AHCYL1: variants seen among roughly 807,000 people sequenced by gnomAD.
AHCYL1 encodes the protein adenosylhomocysteinase like 1.
In AHCYL1, 20 loss-of-function variants were observed where a neutral mutation model predicts 79.3. That is an observed-to-expected ratio of 0.25 (90% CI 0.18 to 0.37). The LOEUF (loss-of-function observed/expected upper bound fraction) is 0.37. AHCYL1 is among the 10% of genes least tolerant of loss of function. AHCYL1 has a pLI of 1.00. For missense variants in AHCYL1, 330 were observed against 673.6 expected, an observed-to-expected ratio of 0.49 and a Z score of 5.65; for synonymous variants, 223 against 242.2, an observed-to-expected ratio of 0.92 and a Z score of 0.74.
In AHCYL1 at chr1:110,011,300, G is replaced by A. The variant is rs765626819; in HGVS notation, c.319G>A (p.Val107Met). ...CTCCAAGGGCAGCAGCAATTTCTGTGTGAAGAACATCAAGCAGGCAGAATT... is the reference window on the plus strand; with the variant it reads ...CTCCAAGGGCAGCAGCAATTTCTGTATGAAGAACATCAAGCAGGCAGAATT... ...TNSKGSSNFC[V>M]KNIKQAEFGR... is the part of the protein sequence containing the mutation. Residue 107 changes from valine to methionine, a missense_variant, in exon 3 of 17, where the codon GTG becomes ATG. Around this residue, in one of 6 missense-constraint regions of AHCYL1, gnomAD observed 97 missense variants for 176.3 expected, o/e 0.55. Transcript: ENST00000369799. The A allele has an allele frequency of 1.2e-6, 2 of 1,614,090 alleles. No individual in the cohort carries two copies. The highest frequency in any genetic ancestry group is 1.7e-6 in the Non-Finnish European group (2 of 1,180,010).
Position 110,021,690 on chromosome 1 carries a change from C to G in AHCYL1, c.*10C>G. The G allele has an allele frequency of 6.2e-7, 1 of 1,611,630 alleles. No individual in the cohort carries two copies. On this transcript the variant is annotated 3_prime_UTR_variant, in exon 17 of 17. Coordinates refer to ENST00000369799, the MANE Select transcript of AHCYL1 (RefSeq NM_006621.7). The stretch of plus-strand genomic sequence containing the variant: ...TCTTTACAGATACTAATGGACCATA[C>G]TACCAAGGACCAGTCCACCTGAACC...
chr1:109,994,098 C>G (rs1465341505), intron 1 of AHCYL1, among the ~76,000 whole-genome samples: 1 of 152,204 alleles, frequency 6.6e-6, no homozygotes, highest in Admixed American at 6.5e-5. Context: ...TGAAACACAC[C>G]TTCTTTAGAA....
intron 1 of AHCYL1, among the ~76,000 whole-genome samples, chr1:110,008,008 AG>A (rs1480903163): frequency 7.0e-6 from 1 of 142,006 alleles, no homozygotes; most frequent in Non-Finnish European, 1.5e-5. Context: ...CATTTAAGGA[AG>A]TTTTTTTTTT....
chr1:109,989,893 T>C (rs1649665141), intron 1 of AHCYL1, among the ~76,000 whole-genome samples: 1 of 152,228 alleles, frequency 6.6e-6, no homozygotes, highest in Non-Finnish European at 1.5e-5. Context: ...TAGACCAGAA[T>C]TTTTTCTAGC....
chr1:109,992,156 C>A lies in AHCYL1; in HGVS notation c.120+6984C>A, dbSNP rs141055913. On this transcript the variant is annotated intron_variant, in intron 1 of 16. Transcript: ENST00000369799. ...GGGCCCAGTGGCTCACGCCTGTAAT[C>A]CCAGCACTTTGGGAGGCCGAGGCAG... Among the ~76,000 whole-genome samples, 232 of 152,180 alleles carry A rather than the reference C, an allele frequency of 1.5e-3. 8 individuals are homozygous for A. In the East Asian group the frequency reaches 0.043, roughly 28 times the overall value.
At chr1:110,011,085 C>T (rs577197171) in intron 2 of AHCYL1, 129 bp from the exon 3 acceptor site, 98 of 1,131,912 alleles carry the variant, frequency 8.7e-5, no homozygotes, top group South Asian at 3.7e-4. Flanking sequence ...GAACTGAGAG[C>T]GTTGTAAAAG....
intron 1 of AHCYL1, among the ~76,000 whole-genome samples, chr1:109,988,502 A>G (rs564478880): frequency 6.6e-6 from 1 of 152,332 alleles, no homozygotes; most frequent in African/African-American, 2.4e-5. Flanking sequence ...TTTGTGTAAC[A>G]GGAGTGGTAA....
At chr1:109,990,414 G>A (rs1425438886) in intron 1 of AHCYL1, among the ~76,000 whole-genome samples, 1 of 152,124 alleles carries the variant, frequency 6.6e-6, no homozygotes, top group Non-Finnish European at 1.5e-5. Context: ...ATCCTAGCAT[G>A]CAGTCCAAGG....
intron 5 of AHCYL1, among the ~76,000 whole-genome samples, chr1:110,013,439 GT>G (rs570770921): frequency 6.6e-6 from 1 of 152,326 alleles, no homozygotes; most frequent in African/African-American, 2.4e-5. Flanking sequence ...GCCAGGCCTG[GT>G]GGCCCACGCC....
intron 1 of AHCYL1, among the ~76,000 whole-genome samples, chr1:110,005,115 C>T (rs1245808593): frequency 6.6e-6 from 1 of 152,136 alleles, no homozygotes; most frequent in Non-Finnish European, 1.5e-5. Context: ...CCCAGAGAAT[C>T]AGTAGTGTAC....
rs138709953 is a variant in AHCYL1, at chr1:109,994,181, G to A, written c.120+9009G>A. Among the ~76,000 whole-genome samples, 307 of 152,302 alleles carry A rather than the reference G, an allele frequency of 2.0e-3. 2 individuals are homozygous for A. The highest frequency in any genetic ancestry group is 0.014 in the Middle Eastern group (4 of 294). ...CAGGCTCTAGTTGGCACTACATTTT[G>A]TGTGTTCTGTTTCACTTCAAGTGTA... On this transcript the variant is annotated intron_variant, in intron 1 of 16. Transcript: ENST00000369799.
chr1:109,995,721 G>GT, intron 1 of AHCYL1: 1 of 983,756 alleles, frequency 1.0e-6, no homozygotes. Context: ...CACATAGAGG[G>GT]TTTTTTCGCA....
chr1:110,001,006 C>T (rs1398861600), intron 1 of AHCYL1: 1 of 964,362 alleles, frequency 1.0e-6, no homozygotes, highest in Non-Finnish European at 1.2e-6. Context: ...GGATTTCAAA[C>T]TTCCTGTACA....
At chr1:110,003,594 G>T (rs1441449140) in intron 1 of AHCYL1, among the ~76,000 whole-genome samples, 2 of 152,004 alleles carry the variant, frequency 1.3e-5, no homozygotes, top group Non-Finnish European at 2.9e-5. Flanking sequence ...TCAGTCACCT[G>T]TACTGATTTT....
At position 110,022,836 on chromosome 1, in the gene AHCYL1, A is replaced by G. The variant is rs1651883265; in HGVS notation, c.*1156A>G. ...GGGACTATACACCCTATATAATGTT[A>G]GTTTTACAGAAGTAATATGACTTTT... On this transcript the variant is annotated 3_prime_UTR_variant, in exon 17 of 17. Transcript: ENST00000369799. 1 of 152,436 alleles carries G rather than the reference A, an allele frequency of 6.6e-6. No individual in the cohort carries two copies. The highest frequency in any genetic ancestry group is 1.5e-5 in the Non-Finnish European group (1 of 68,040). 9.4% of individuals were successfully genotyped at this position (152,436 alleles called of 1,614,324 possible).
chr1:110,019,512 AT>A, intron 14 of AHCYL1, 35 bp from the exon 15 acceptor site: 1 of 1,563,674 alleles, frequency 6.4e-7, no homozygotes, highest in Non-Finnish European at 8.7e-7. Flanking sequence ...TCTAAGAAAT[AT>A]TTTTGTGCTT....
intron 2 of AHCYL1, 145 bp from the exon 3 acceptor site, chr1:110,011,069 G>T: frequency 1.0e-6 from 1 of 994,286 alleles, no homozygotes; most frequent in Non-Finnish European, 1.4e-6. Flanking sequence ...AGAACCTAGA[G>T]GAGCAGAACT....
intron 4 of AHCYL1, 41 bp from the exon 5 acceptor site, chr1:110,012,856 C>T: frequency 6.6e-7 from 1 of 1,521,766 alleles, no homozygotes; most frequent in Non-Finnish European, 9.0e-7. Flanking sequence ...TCCTGGGTGG[C>T]CCTTCTCTTC....
Position 110,022,227 on chromosome 1 carries a change from G to A in AHCYL1, c.*547G>A, listed in dbSNP as rs1018331246. On this transcript the variant is annotated 3_prime_UTR_variant, in exon 17 of 17. Transcript: ENST00000369799. ...TCCAGTTCAGAGATGTGTATAATGA[G>A]CATGGCTTGTTAAGATCAGGAGGCC... 1 of 152,608 alleles carries A rather than the reference G, an allele frequency of 6.6e-6. No homozygotes were observed. The highest frequency in any genetic ancestry group is 1.5e-5 in the Non-Finnish European group (1 of 68,224). 9.5% of individuals were successfully genotyped at this position (152,608 alleles called of 1,614,324 possible). A position where few individuals can be genotyped will look rare whatever the true frequency, so the allele number is the denominator to read the frequency against.
Sources: allele counts gnomAD v4.1 joint callset (sites outside exome capture counted in the v4.1 genomes callset), GRCh38; gene constraint gnomAD v4.1.1; regional missense constraint gnomAD v4.1.1; transcripts MANE v1.5; gene names NCBI Gene and HGNC (gene_info 2026-07-23, HGNC 2026-07-21).